Variants in CNTNAP2 observed in about 807,000 individuals in gnomAD.
CNTNAP2 encodes the protein contactin associated protein 2.
Under a neutral mutation model 155.2 loss-of-function variants are expected in CNTNAP2, and 98 were observed. That is an observed-to-expected ratio of 0.63 (90% CI 0.54 to 0.75). The LOEUF (loss-of-function observed/expected upper bound fraction) is 0.75. Among genes scored for constraint, CNTNAP2 ranks in the 30% least tolerant of loss-of-function variants. The pLI, the probability that CNTNAP2 is intolerant of heterozygous loss-of-function variation, is 0.00. For missense variants in CNTNAP2, 1,727 were observed against 1,688.1 expected (o/e 1.02, Z -0.40); for synonymous variants, 651 against 631.2 (o/e 1.03, Z -0.47).
At chr7:148,235,354 T>C (rs1796025437) in intron 20 of CNTNAP2, among the ~76,000 whole-genome samples, 1 of 152,176 alleles carries the variant, frequency 6.6e-6, no homozygotes, top group Non-Finnish European at 1.5e-5. Flanking sequence ...ATACAAATAT[T>C]AGGATGATGC....
intron 1 of CNTNAP2, among the ~76,000 whole-genome samples, chr7:146,309,856 A>AAGGAAGGAAG (rs1563032365): frequency 4.3e-4 from 61 of 141,320 alleles, no homozygotes; most frequent in African/African-American, 1.8e-3. Context: ...AAGGAAGGAA[A>AAGGAAGGAAG]GAAAGAAGGA....
intron 4 of CNTNAP2, among the ~76,000 whole-genome samples, chr7:147,106,041 T>C (rs1204346636): frequency 6.6e-6 from 1 of 152,136 alleles, no homozygotes; most frequent in African/African-American, 2.4e-5. Flanking sequence ...TACCTAGAAC[T>C]AAATGTGTTT....
intron 21 of CNTNAP2, among the ~76,000 whole-genome samples, chr7:148,345,573 T>C (rs1798311609): frequency 6.6e-6 from 1 of 152,068 alleles, no homozygotes; most frequent in South Asian, 2.1e-4. Context: ...TTAGAAGAGA[T>C]GGGGTTTCGC....
chr7:148,359,304 A>T (rs1798576908), intron 21 of CNTNAP2, among the ~76,000 whole-genome samples: 1 of 152,244 alleles, frequency 6.6e-6, no homozygotes, highest in Non-Finnish European at 1.5e-5. Flanking sequence ...ATCACTAAGC[A>T]ACACATAACT....
At chr7:147,234,883 T>C (rs1000587828) in intron 8 of CNTNAP2, among the ~76,000 whole-genome samples, 5 of 152,224 alleles carry the variant, frequency 3.3e-5, no homozygotes, top group African/African-American at 9.6e-5. Flanking sequence ...ATACTCATCA[T>C]GCCAAGGGCT....
At chr7:148,320,386 T>C (rs1327474366) in intron 21 of CNTNAP2, among the ~76,000 whole-genome samples, 2 of 136,692 alleles carry the variant, frequency 1.5e-5, no homozygotes, top group Non-Finnish European at 1.6e-5. Flanking sequence ...CTTTTTTTTT[T>C]TTTTTTTTTT....
At chr7:146,915,078 C>G (rs989839257) in intron 3 of CNTNAP2, among the ~76,000 whole-genome samples, 18 of 152,050 alleles carry the variant, frequency 1.2e-4, no homozygotes, top group East Asian at 3.9e-4. Flanking sequence ...ATAGGGTATA[C>G]TTTCCCCACT....
At chr7:146,418,959 A>G (rs1304865001) in intron 1 of CNTNAP2, among the ~76,000 whole-genome samples, 1 of 152,150 alleles carries the variant, frequency 6.6e-6, no homozygotes, top group Non-Finnish European at 1.5e-5. Flanking sequence ...ACTGTAGTCA[A>G]AGGAACCAGC....
intron 4 of CNTNAP2, chr7:147,097,712 G>T (rs1282881518): frequency 6.6e-6 from 1 of 152,180 alleles, no homozygotes; most frequent in Non-Finnish European, 1.5e-5. Context: ...AAGCATATCA[G>T]ATGAATTTGA....
chr7:146,952,084 T>C (rs1010149094), intron 3 of CNTNAP2, among the ~76,000 whole-genome samples: 5 of 152,168 alleles, frequency 3.3e-5, no homozygotes, highest in African/African-American at 1.2e-4. Context: ...TCCGCCATGA[T>C]GAAGACAGCT....
At chr7:147,264,939 A>C in intron 8 of CNTNAP2, among the ~76,000 whole-genome samples, 1 of 152,172 alleles carries the variant, frequency 6.6e-6, no homozygotes, top group East Asian at 2.0e-4. Flanking sequence ...CTACATGAGG[A>C]GGAAGGTTAT....
chr7:146,463,860 T>C (rs1401462460), intron 1 of CNTNAP2, among the ~76,000 whole-genome samples: 1 of 152,096 alleles, frequency 6.6e-6, no homozygotes, highest in African/African-American at 2.4e-5. Context: ...ATACAATCTA[T>C]TCACTTATCT....
intron 20 of CNTNAP2, among the ~76,000 whole-genome samples, chr7:148,256,651 G>A (rs1796459580): frequency 6.6e-6 from 1 of 152,120 alleles, no homozygotes; most frequent in African/African-American, 2.4e-5. Flanking sequence ...AGGTGATTCG[G>A]GTTTGGAGAG....
intron 1 of CNTNAP2, among the ~76,000 whole-genome samples, chr7:146,643,908 A>G (rs1385441330): frequency 6.6e-6 from 1 of 151,670 alleles, no homozygotes; most frequent in Non-Finnish European, 1.5e-5. Context: ...TAGGTATTTT[A>G]TTCTCTTTGA....
chr7:148,337,586 T>C (rs1798142641), intron 21 of CNTNAP2, among the ~76,000 whole-genome samples: 1 of 152,192 alleles, frequency 6.6e-6, no homozygotes, highest in East Asian at 1.9e-4. Context: ...GATCCAACCC[T>C]TCTCATCTGC....
intron 1 of CNTNAP2, among the ~76,000 whole-genome samples, chr7:146,630,582 T>G (rs1799494642): frequency 6.6e-6 from 1 of 152,106 alleles, no homozygotes; most frequent in Non-Finnish European, 1.5e-5. Flanking sequence ...TTGAACTGAT[T>G]TACACCCCCA....
At chr7:148,353,682 T>C (rs1380823593) in intron 21 of CNTNAP2, among the ~76,000 whole-genome samples, 1 of 152,110 alleles carries the variant, frequency 6.6e-6, no homozygotes, top group African/African-American at 2.4e-5. Flanking sequence ...CACACAAGTA[T>C]CAGGAAACAA....
intron 10 of CNTNAP2, among the ~76,000 whole-genome samples, chr7:147,484,639 C>T (rs895149583): frequency 6.6e-6 from 1 of 152,244 alleles, no homozygotes; most frequent in South Asian, 2.1e-4. Context: ...CAGCAAGCTA[C>T]TCAGAGCCAG....
At chr7:146,421,101 A>G (rs1332064470) in intron 1 of CNTNAP2, among the ~76,000 whole-genome samples, 1 of 152,076 alleles carries the variant, frequency 6.6e-6, no homozygotes, top group Non-Finnish European at 1.5e-5. Flanking sequence ...GAAGAGTACA[A>G]CTGAGCTAAA....
Sources: gnomAD v4.1 joint callset for allele counts (sites outside exome capture counted in the v4.1 genomes callset) on GRCh38, gnomAD v4.1.1 for gene constraint, MANE v1.5 for transcripts, NCBI Gene and HGNC (gene_info 2026-07-23, HGNC 2026-07-21) for gene names.